ENPP7: variants seen among roughly 807,000 people sequenced by gnomAD.
The protein encoded by ENPP7 is ectonucleotide pyrophosphatase/phosphodiesterase family member 7.
In ENPP7, 39 loss-of-function variants were observed where a neutral mutation model predicts 33.6. That is an observed-to-expected ratio of 1.16 (90% CI 0.90 to 1.52). ENPP7 has a LOEUF of 1.52. Among genes scored for constraint, ENPP7 ranks in the 40% most tolerant of loss-of-function variants. The probability of loss-of-function intolerance (pLI) is 0.00; values close to 1 mark genes in which losing one functional copy is unlikely to be tolerated. For synonymous variants in ENPP7, 244 were observed against 274.3 expected (o/e 0.89, Z 1.09); for missense variants, 594 against 641.0 (o/e 0.93, Z 0.79).
At position 79,738,712 on chromosome 17, in the gene ENPP7, G is replaced by A. The variant is rs1294837861; in HGVS notation, c.*16+650G>A. On this transcript the variant is annotated intron_variant, in intron 5 of 5. Coordinates refer to ENST00000328313, the MANE Select transcript of ENPP7 (RefSeq NM_178543.5). This position sits in a 1 kb window ranked among gnomAD's most constrained non-coding sequence, Gnocchi z 6.2. ...AACTCTCTGGAAGCCCACCTCCAAG[G>A]ACACGCATGGGGTGCGTTTGGGAGG... 2.0e-5 allele frequency: 3 copies of A among 149,238 alleles called. No individual in the cohort carries two copies. The highest frequency in any genetic ancestry group is 4.4e-5 in the Non-Finnish European group (3 of 67,482). 9.2% of individuals were successfully genotyped at this position (149,238 alleles called of 1,614,324 possible). A position where few individuals can be genotyped will look rare whatever the true frequency, so the allele number is the denominator to read the frequency against.
In ENPP7 at chr17:79,742,010, C is replaced by CCCTGCCCCTGCCCCTGCT; in HGVS notation, c.*239_*256dup. On this transcript the variant is annotated 3_prime_UTR_variant, in exon 6 of 6. Coordinates refer to ENST00000328313, the MANE Select transcript of ENPP7 (RefSeq NM_178543.5). ...CGGCGAGCCGGTCCCATAACCGGCC[C>CCCTGCCCCTGCCCCTGCT]CCTGCCCCTGCCCCTGCTCCTGCTC... 3 of 829,320 alleles carry CCCTGCCCCTGCCCCTGCT rather than the reference C, an allele frequency of 3.6e-6. No individual in the cohort carries two copies. In the South Asian group the frequency reaches 1.6e-4, roughly 44 times the overall value. The allele number at this position is 829,320 out of a possible 1,614,324, so 51.4% of individuals were successfully genotyped here. A position where few individuals can be genotyped will look rare whatever the true frequency, so the allele number is the denominator to read the frequency against.
intron 1 of ENPP7, 109 bp from the exon 2 acceptor site, chr17:79,733,399 C>A: frequency 8.4e-7 from 1 of 1,188,096 alleles, no homozygotes; most frequent in Non-Finnish European, 1.2e-6. Context: ...CCCCACCCAG[C>A]ACACAGGGAA....
Position 79,735,017 on chromosome 17 carries a change from G to A in ENPP7, c.400-26G>A. The stretch of plus-strand genomic sequence containing the variant: ...AAGGGGCAGCCCACTGAGGAGTCCT[G>A]TCTTTCACGCTGCCTTGTCTGGCAG... On this transcript the variant is annotated intron_variant, in intron 2 of 5. Transcript: ENST00000328313. This position sits in a 1 kb window ranked among gnomAD's most constrained non-coding sequence, Gnocchi z 5.5. 4 of 1,608,302 alleles carry A rather than the reference G, an allele frequency of 2.5e-6. No individual in the cohort carries two copies. Among genetic ancestry groups the A allele is most frequent in the South Asian group, 2.2e-5 (2 of 90,656 alleles).
At position 79,730,980 on chromosome 17, in the gene ENPP7, G is replaced by A. The variant is rs782508386; in HGVS notation, c.-160G>A. The A allele has an allele frequency of 1.9e-4, 139 of 727,884 alleles. No homozygotes were observed. The highest frequency in any genetic ancestry group is 2.9e-4 in the Non-Finnish European group (132 of 455,538). The allele number at this position is 727,884 out of a possible 1,614,324, so 45.1% of individuals were successfully genotyped here. A position where few individuals can be genotyped will look rare whatever the true frequency, so the allele number is the denominator to read the frequency against. On this transcript the variant is annotated 5_prime_UTR_variant, in exon 1 of 6. Coordinates refer to ENST00000328313, the MANE Select transcript of ENPP7 (RefSeq NM_178543.5). ...CTGGGACCAGGGGTGGCACTGACAC[G>A]GCTGGGGAGCCCACTCCCGAGGTTC...
chr17:79,735,531 G>A lies in ENPP7; in HGVS notation c.888G>A (p.Val296=). The stretch of plus-strand genomic sequence containing the variant: ...CTAAAGAAGGGAGGCTGGAGAAGGT[G>A]TACGATGCCCTCAAGGACGCCCACC... ...LLPKEGRLEK[V]YDALKDAHPK... The change falls in exon 3 of 6, where the codon GTG becomes GTA. Residue 296 remains valine, a synonymous_variant. Transcript: ENST00000328313. This position sits in a 1 kb window ranked among gnomAD's most constrained non-coding sequence, Gnocchi z 5.5. The A allele has an allele frequency of 3.7e-6, 6 of 1,613,966 alleles. No individual in the cohort carries two copies. Among genetic ancestry groups the A allele is most frequent in the South Asian group, 1.1e-5 (1 of 91,088 alleles).
At position 79,737,028 on chromosome 17, in the gene ENPP7, C is replaced by T. The variant is rs782067992; in HGVS notation, c.1027-13C>T. 8.7e-6 allele frequency: 14 copies of T among 1,612,972 alleles called. No individual in the cohort carries two copies. Among genetic ancestry groups the T allele is most frequent in the Admixed American group, 1.7e-5 (1 of 60,016 alleles). The stretch of plus-strand genomic sequence containing the variant: ...CCAGCAAGGACCCAGGACCCTTGCC[C>T]GCTCCCCGGCAGAGAATTAACGTCC... On this transcript the variant is annotated splice_polypyrimidine_tract_variant and intron_variant, in intron 3 of 5. Coordinates refer to ENST00000328313, the MANE Select transcript of ENPP7 (RefSeq NM_178543.5). The surrounding 1 kb of genome is among the most constrained non-coding windows in gnomAD (Gnocchi z 5.5).
chr17:79,731,741 C>T (rs1285438816), intron 1 of ENPP7, among the ~76,000 whole-genome samples: 5 of 152,188 alleles, frequency 3.3e-5, no homozygotes, highest in African/African-American at 1.2e-4. Flanking sequence ...TTCCATTTTC[C>T]ACCCAACACC....
rs1459212726 is a variant in ENPP7 at position 79,737,466 on chromosome 17, G to A, written c.1246+206G>A. Reference sequence around the variant, plus strand: ...TGCATCTCGGGCGGCACGAGAGGGCGAGGGGGAGGAGTGGGCAGTCTTGCT... The same window carrying A: ...TGCATCTCGGGCGGCACGAGAGGGCAAGGGGGAGGAGTGGGCAGTCTTGCT... On this transcript the variant is annotated intron_variant, in intron 4 of 5. Transcript: ENST00000328313. The surrounding 1 kb of genome is among the most constrained non-coding windows in gnomAD (Gnocchi z 5.5). 6.6e-6 allele frequency among the ~76,000 whole-genome samples: 1 copy of A among 152,216 alleles called. No homozygotes were observed. The highest frequency in any genetic ancestry group is 1.5e-5 in the Non-Finnish European group (1 of 68,024).
intron 1 of ENPP7, among the ~76,000 whole-genome samples, 153 bp from the exon 2 acceptor site, chr17:79,733,355 A>G (rs1234582278): frequency 6.7e-6 from 1 of 149,668 alleles, no homozygotes; most frequent in Non-Finnish European, 1.5e-5. Context: ...TGCAGGAGGA[A>G]GTCTGCTCCC....
chr17:79,731,073 A>G lies in ENPP7; in HGVS notation c.-67A>G. 6.6e-7 allele frequency: 1 copy of G among 1,507,212 alleles called. No individual in the cohort carries two copies. The highest frequency in any genetic ancestry group is 8.9e-7 in the Non-Finnish European group (1 of 1,126,622). The allele number at this position is 1,507,212 out of a possible 1,614,324, so 93.4% of individuals were successfully genotyped here. On this transcript the variant is annotated 5_prime_UTR_variant, in exon 1 of 6. Transcript: ENST00000328313. ...TGAGATCAGCCCGGGTGACCCTGGGACTTTGTCCTCCTCGGCAGGAGCCAG... is the reference window on the plus strand; with the variant it reads ...TGAGATCAGCCCGGGTGACCCTGGGGCTTTGTCCTCCTCGGCAGGAGCCAG...
Position 79,737,863 on chromosome 17 carries a change from CT to C in ENPP7, c.1247-52del. ...GGACCCCGAGTTTACTGTGGAGAGG[CT>C]GGGGTGAGGAGCCATCCCTCTCTCC... On this transcript the variant is annotated intron_variant, in intron 4 of 5. Transcript: ENST00000328313. This position sits in a 1 kb window ranked among gnomAD's most constrained non-coding sequence, Gnocchi z 5.5. 3 of 1,597,188 alleles carry C rather than the reference CT, an allele frequency of 1.9e-6. No individual in the cohort carries two copies. Among genetic ancestry groups the C allele is most frequent in the Non-Finnish European group, 2.6e-6 (3 of 1,167,868 alleles).
chr17:79,735,653 G>C lies in ENPP7; in HGVS notation c.1010G>C (p.Gly337Ala). ...VTPLLMYSDL[G>A]YVIHGRINVQ... is the part of the protein sequence containing the mutation. ...CCCCTGCTGATGTACAGCGACCTTG[G>C]CTACGTCATCCATGGGGTGAGTCGC... The change falls in exon 3 of 6, where the codon GGC becomes GCC. Residue 337 changes from glycine (G) to alanine (A), a missense_variant. Around this residue, in one of 3 missense-constraint regions of ENPP7, gnomAD observed 504 missense variants for 512.8 expected, o/e 0.98. Coordinates refer to ENST00000328313, the MANE Select transcript of ENPP7 (RefSeq NM_178543.5). The surrounding 1 kb of genome is among the most constrained non-coding windows in gnomAD (Gnocchi z 5.5). 1.9e-6 allele frequency: 3 copies of C among 1,607,668 alleles called. No individual in the cohort carries two copies. Among genetic ancestry groups the C allele is most frequent in the Non-Finnish European group, 1.7e-6 (2 of 1,175,458 alleles).
chr17:79,738,322 T>G lies in ENPP7; in HGVS notation c.*16+260T>G. On this transcript the variant is annotated intron_variant, in intron 5 of 5. Coordinates refer to ENST00000328313, the MANE Select transcript of ENPP7 (RefSeq NM_178543.5). This position sits in a 1 kb window ranked among gnomAD's most constrained non-coding sequence, Gnocchi z 6.2. ...GGACCAGTGGCCAGAATTCCCACCC[T>G]CCCCCAAAAGCCAGAACTCCCTCAG... 1 of 392,304 alleles carries G rather than the reference T, an allele frequency of 2.5e-6. No homozygotes were observed. The allele number at this position is 392,304 out of a possible 1,614,324, so 24.3% of individuals were successfully genotyped here.
chr17:79,737,944 T>A lies in ENPP7; in HGVS notation c.1275T>A (p.Pro425=). Residue 425 remains proline, a synonymous_variant, in exon 5 of 6, where the codon CCT becomes CCA. Transcript: ENST00000328313. The surrounding 1 kb of genome is among the most constrained non-coding windows in gnomAD (Gnocchi z 5.5). ...CTGCTCTTCCGCCTGATGGAAGGCC[T>A]ACTCTCCTGCCCAAGGGAAGATCTG... ...TESALPPDGR[P]TLLPKGRSAL... 2.5e-6 allele frequency: 4 copies of A among 1,613,852 alleles called. No individual in the cohort carries two copies. The highest frequency in any genetic ancestry group is 3.4e-6 in the Non-Finnish European group (4 of 1,179,994).
intron 3 of ENPP7, 123 bp from the exon 4 acceptor site, chr17:79,736,918 G>A (rs2094296888): frequency 4.1e-6 from 3 of 726,648 alleles, no homozygotes; most frequent in Non-Finnish European, 7.0e-6. Context: ...CTGAGTCTTG[G>A]AACCCCTCCA....
rs1279061829 is a variant in ENPP7 at position 79,737,174 on chromosome 17, T to G, written c.1160T>G (p.Val387Gly). The change falls in exon 4 of 6, where the codon GTG becomes GGG. Residue 387 changes from valine (V) to glycine (G), a missense_variant. By Grantham distance (109) the Val-to-Gly change is moderately radical (BLOSUM62 -3). Around this residue, in one of 3 missense-constraint regions of ENPP7, gnomAD observed 504 missense variants for 512.8 expected, o/e 0.98. Coordinates refer to ENST00000328313, the MANE Select transcript of ENPP7 (RefSeq NM_178543.5). This position sits in a 1 kb window ranked among gnomAD's most constrained non-coding sequence, Gnocchi z 5.5. ...GTGGAGCCCTTTGAGAGCGTCCACG[T>G]GTACGAGCTCATGTGCCGGCTGCTG... The part of the protein sequence containing the change: ...LEVEPFESVH[V>G]YELMCRLLGI... 3 of 1,613,600 alleles carry G rather than the reference T, an allele frequency of 1.9e-6. No homozygotes were observed. The African/African-American group carries it at 4.0e-5, about 22-fold the overall frequency.
chr17:79,737,804 A>T lies in ENPP7; in HGVS notation c.1247-112A>T. 1 of 1,206,186 alleles carries T rather than the reference A, an allele frequency of 8.3e-7. No homozygotes were observed. Among genetic ancestry groups the T allele is most frequent in the East Asian group, 2.3e-5 (1 of 42,684 alleles). The allele number at this position is 1,206,186 out of a possible 1,614,324, so 74.7% of individuals were successfully genotyped here. Reference sequence around the variant, plus strand: ...AGGCCATGGGACCAAGGGGGCGGTGAAAGAGGAAGGAGGGGCTCGTGGGGA... The same window carrying T: ...AGGCCATGGGACCAAGGGGGCGGTGTAAGAGGAAGGAGGGGCTCGTGGGGA... On this transcript the variant is annotated intron_variant, in intron 4 of 5. Transcript: ENST00000328313. This position sits in a 1 kb window ranked among gnomAD's most constrained non-coding sequence, Gnocchi z 5.5.
At chr17:79,734,569 C>A (rs2094291820) in intron 2 of ENPP7, among the ~76,000 whole-genome samples, 1 of 151,962 alleles carries the variant, frequency 6.6e-6, no homozygotes, top group African/African-American at 2.4e-5. Flanking sequence ...GCTCTGCCTC[C>A]CGGGTTTACA....
rs1555823962 is a variant in ENPP7, at chr17:79,737,940, G to C, written c.1271G>C (p.Arg424Thr). Residue 424 changes from arginine to threonine, a missense_variant, in exon 5 of 6, where the codon AGG becomes ACG. Arg to Thr is a moderately conservative substitution (Grantham distance 71). Transcript: ENST00000328313. This position sits in a 1 kb window ranked among gnomAD's most constrained non-coding sequence, Gnocchi z 5.5. ...HTESALPPDG[R>T]PTLLPKGRSA... Reference sequence around the variant, plus strand: ...GAATCTGCTCTTCCGCCTGATGGAAGGCCTACTCTCCTGCCCAAGGGAAGA... The same window carrying C: ...GAATCTGCTCTTCCGCCTGATGGAACGCCTACTCTCCTGCCCAAGGGAAGA... 6.2e-7 allele frequency: 1 copy of C among 1,613,872 alleles called. No homozygotes were observed. Among genetic ancestry groups the C allele is most frequent in the Non-Finnish European group, 8.5e-7 (1 of 1,180,020 alleles).
Sources: gnomAD v4.1 joint callset for allele counts (sites outside exome capture counted in the v4.1 genomes callset) on GRCh38, gnomAD v4.1.1 for gene constraint, gnomAD v4.1.1 regional missense constraint, Gnocchi (gnomAD v3.1) non-coding constraint, MANE v1.5 for transcripts, NCBI Gene and HGNC (gene_info 2026-07-23, HGNC 2026-07-21) for gene names.